MNAT1: variants seen among roughly 807,000 people sequenced by gnomAD.
MNAT1 encodes the protein CDK-activating kinase assembly factor MAT1.
A neutral mutation model predicts 42.0 loss-of-function variants in MNAT1; 43 were observed. The observed-to-expected ratio is 1.02, with a 90% CI of 0.80 to 1.32. The LOEUF (loss-of-function observed/expected upper bound fraction) is 1.32. MNAT1 is among the 40% of genes most tolerant of loss of function. The pLI, the probability that MNAT1 is intolerant of heterozygous loss-of-function variation, is 0.00. For synonymous variants in MNAT1, 118 were observed against 120.0 expected, an observed-to-expected ratio of 0.98 and a Z score of 0.11; for missense variants, 306 against 350.4, an observed-to-expected ratio of 0.87 and a Z score of 1.01.
At chr14:60,772,766 C>G (rs2031106287) in intron 1 of MNAT1, among the ~76,000 whole-genome samples, 1 of 151,876 alleles carries the variant, frequency 6.6e-6, no homozygotes, top group Non-Finnish European at 1.5e-5. Context: ...TCTGAGATTT[C>G]TTGATTGTGT....
intron 6 of MNAT1, among the ~76,000 whole-genome samples, chr14:60,857,624 T>C (rs1448458820): frequency 6.6e-6 from 1 of 152,218 alleles, no homozygotes; most frequent in African/African-American, 2.4e-5. Context: ...TTGTACAATG[T>C]GCAGGTTTGT....
chr14:60,860,415 C>T (rs1486714727), intron 6 of MNAT1, among the ~76,000 whole-genome samples: 11 of 142,122 alleles, frequency 7.7e-5, no homozygotes, highest in Non-Finnish European at 1.5e-4. Context: ...TGCAGTGGCG[C>T]GATCTCTGCT....
chr14:60,935,483 A>G (rs546251258), intron 7 of MNAT1, among the ~76,000 whole-genome samples: 19 of 152,186 alleles, frequency 1.2e-4, no homozygotes, highest in Non-Finnish European at 1.6e-4. Flanking sequence ...AGTTGAAGGA[A>G]CTAGAAATTA....
intron 1 of MNAT1, among the ~76,000 whole-genome samples, chr14:60,778,590 T>C (rs2031333991): frequency 6.6e-6 from 1 of 152,226 alleles, no homozygotes; most frequent in African/African-American, 2.4e-5. Flanking sequence ...TTTGATCCAC[T>C]AATACGGGAT....
chr14:60,873,690 C>T (rs956916630), intron 6 of MNAT1, among the ~76,000 whole-genome samples: 1 of 147,340 alleles, frequency 6.8e-6, no homozygotes, highest in African/African-American at 2.5e-5. Flanking sequence ...AGGCTGGTCT[C>T]AAGCACCTGG....
intron 7 of MNAT1, among the ~76,000 whole-genome samples, chr14:60,916,693 T>G (rs1440271119): frequency 6.6e-6 from 1 of 152,186 alleles, no homozygotes; most frequent in Non-Finnish European, 1.5e-5. Context: ...GGCTTATGCC[T>G]GTAATCCTAG....
intron 1 of MNAT1, among the ~76,000 whole-genome samples, chr14:60,785,039 G>A (rs763764735): frequency 6.6e-6 from 1 of 151,960 alleles, no homozygotes; most frequent in Non-Finnish European, 1.5e-5. Flanking sequence ...TTTTAGTAGA[G>A]ATGGGATTTC....
intron 6 of MNAT1, among the ~76,000 whole-genome samples, chr14:60,872,672 A>AT (rs61300714): frequency 2.1e-4 from 31 of 150,146 alleles, no homozygotes; most frequent in African/African-American, 6.8e-4. Context: ...ATACATAGCC[A>AT]TTTTTTTTTT....
In MNAT1 at chr14:60,912,888, G is replaced by A. The variant is rs999853866; in HGVS notation, c.809+33053G>A. On this transcript the variant is annotated intron_variant, in intron 7 of 7. Coordinates refer to ENST00000261245, the MANE Select transcript of MNAT1 (RefSeq NM_002431.4). Reference sequence around the variant, plus strand: ...ATGTTGGCCTGCCTTGCTAGATTGGGGAAGTTCTCCTGGATAATATCCTGC... The same window carrying A: ...ATGTTGGCCTGCCTTGCTAGATTGGAGAAGTTCTCCTGGATAATATCCTGC... 3.9e-5 allele frequency among the ~76,000 whole-genome samples: 6 copies of A among 152,208 alleles called. No homozygotes were observed. The East Asian group carries it at 1.2e-3, about 29-fold the overall frequency.
intron 3 of MNAT1, chr14:60,799,286 T>C: frequency 2.0e-6 from 2 of 985,326 alleles, no homozygotes; most frequent in South Asian, 9.4e-5. Context: ...GGATTTTAGC[T>C]GAAAAGATGG....
At chr14:60,898,022 A>G (rs1377884193) in intron 7 of MNAT1, among the ~76,000 whole-genome samples, 1 of 151,756 alleles carries the variant, frequency 6.6e-6, no homozygotes, top group Non-Finnish European at 1.5e-5. Context: ...ACTTAACCTG[A>G]TGAACTCCAA....
intron 1 of MNAT1, among the ~76,000 whole-genome samples, chr14:60,762,323 T>A (rs2030634119): frequency 6.6e-6 from 1 of 152,126 alleles, no homozygotes; most frequent in South Asian, 2.1e-4. Context: ...TTCTGTAATA[T>A]CTTATGATGG....
intron 6 of MNAT1, among the ~76,000 whole-genome samples, chr14:60,865,987 T>C (rs2034193614): frequency 6.6e-6 from 1 of 152,114 alleles, no homozygotes; most frequent in African/African-American, 2.4e-5. Context: ...AAATTTCATT[T>C]CTTCCATGAA....
chr14:60,898,462 G>T (rs1218288408), intron 7 of MNAT1, among the ~76,000 whole-genome samples: 1 of 151,936 alleles, frequency 6.6e-6, no homozygotes, highest in Admixed American at 6.6e-5. Flanking sequence ...CTGCTAACTG[G>T]GGTAAGATGC....
At chr14:60,911,589 G>T (rs1015920785) in intron 7 of MNAT1, among the ~76,000 whole-genome samples, 1 of 151,456 alleles carries the variant, frequency 6.6e-6, no homozygotes, top group African/African-American at 2.4e-5. Flanking sequence ...GTACCCAGTA[G>T]TTCAGGAGCA....
At chr14:60,962,126 T>C (rs967740474) in intron 7 of MNAT1, among the ~76,000 whole-genome samples, 1 of 152,170 alleles carries the variant, frequency 6.6e-6, no homozygotes, top group Non-Finnish European at 1.5e-5. Context: ...AATAAATTAA[T>C]AGAAATGAGT....
At chr14:60,851,630 C>G (rs572732507) in intron 6 of MNAT1, among the ~76,000 whole-genome samples, 5 of 152,200 alleles carry the variant, frequency 3.3e-5, no homozygotes, top group Non-Finnish European at 5.9e-5. Context: ...GTTTGCTGCA[C>G]CTATCAACCA....
intron 3 of MNAT1, among the ~76,000 whole-genome samples, chr14:60,800,327 T>C (rs567509727): frequency 1.3e-5 from 2 of 152,218 alleles, no homozygotes; most frequent in South Asian, 2.1e-4. Context: ...GGCAAGAGGA[T>C]TGCTTGAGCC....
At chr14:60,867,771 A>C (rs1316370074) in intron 6 of MNAT1, among the ~76,000 whole-genome samples, 1 of 152,100 alleles carries the variant, frequency 6.6e-6, no homozygotes, top group Non-Finnish European at 1.5e-5. Flanking sequence ...AACATAGAGA[A>C]ATTAAATGTT....
Sources: allele counts gnomAD v4.1 joint callset (sites outside exome capture counted in the v4.1 genomes callset), GRCh38; gene constraint gnomAD v4.1.1; transcripts MANE v1.5; gene names NCBI Gene and HGNC (gene_info 2026-07-23, HGNC 2026-07-21).